METTL21A: variants seen among roughly 807,000 people sequenced by gnomAD.
METTL21A encodes the protein methyltransferase 21A, HSPA lysine, also known as protein N-lysine methyltransferase METTL21A.
In METTL21A, 22 loss-of-function variants were observed where a neutral mutation model predicts 20.9. That is an observed-to-expected ratio of 1.05 (90% confidence interval 0.75 to 1.50). The LOEUF is 1.50. Among genes scored for constraint, METTL21A ranks in the 40% most tolerant of loss-of-function variants. METTL21A has a pLI of 0.00. For synonymous variants in METTL21A, 93 were observed against 102.0 expected, an observed-to-expected ratio of 0.91 and a Z score of 0.53; for missense variants, 271 against 266.8, an observed-to-expected ratio of 1.02 and a Z score of -0.11.
exon 4 of METTL21A, chr2:207,582,075 T>C (rs1467146869): frequency 2.9e-6 from 2 of 701,578 alleles, no homozygotes; most frequent in Non-Finnish European, 5.2e-6. Context: ...TTGGTTAAAG[T>C]GCTGTCCAGG....
At chr2:207,582,281 T>C in intron 3 of METTL21A, 1 of 639,120 alleles carries the variant, frequency 1.6e-6, no homozygotes, top group Non-Finnish European at 2.8e-6. Context: ...TTTAAAGTTT[T>C]GCCCACCAGT....
chr2:207,623,430 A>C (rs1039667900), intron 2 of METTL21A, among the ~76,000 whole-genome samples: 2 of 152,348 alleles, frequency 1.3e-5, no homozygotes, highest in Non-Finnish European at 2.9e-5. Context: ...TCAAGTCAGA[A>C]CAGGGCAGGG....
At chr2:207,613,029 T>C (rs1024583310) in exon 4 of METTL21A, 3 of 1,533,144 alleles carry the variant, frequency 2.0e-6, no homozygotes, top group Admixed American at 2.2e-5. Context: ...GACAACATTC[T>C]TATAAATTAT....
intron 3 of METTL21A, chr2:207,596,910 G>A: frequency 2.5e-6 from 4 of 1,603,402 alleles, no homozygotes; most frequent in Non-Finnish European, 1.7e-6. Flanking sequence ...TCTTTTGCTT[G>A]TAGGGAAGCA....
At chr2:207,617,911 G>A (rs867918901) in intron 3 of METTL21A, among the ~76,000 whole-genome samples, 4 of 152,058 alleles carry the variant, frequency 2.6e-5, no homozygotes, top group African/African-American at 7.2e-5. Flanking sequence ...GGGTGGGGGC[G>A]GTGACTACTT....
chr2:207,608,303 CT>C (rs2088441707), downstream of METTL21A, among the ~76,000 whole-genome samples: 1 of 152,118 alleles, frequency 6.6e-6, no homozygotes, highest in Non-Finnish European at 1.5e-5. Context: ...TTTTCACACC[CT>C]AATCTCAATC....
chr2:207,583,587 CA>C (rs2106633976), intron 3 of METTL21A, among the ~76,000 whole-genome samples: 1 of 152,288 alleles, frequency 6.6e-6, no homozygotes. Flanking sequence ...CCACCCCTTT[CA>C]ATGAGGTTAT....
At chr2:207,598,489 A>T (rs1408615870) in intron 3 of METTL21A, 1 of 6,504 alleles carries the variant, frequency 1.5e-4, no homozygotes, top group Non-Finnish European at 2.6e-4. Context: ...TTACTCTTAA[A>T]AAAAAAAAAA....
chr2:207,608,827 T>G (rs763397808), downstream of METTL21A, among the ~76,000 whole-genome samples: 2 of 152,194 alleles, frequency 1.3e-5, no homozygotes, highest in Non-Finnish European at 2.9e-5. Context: ...CTCGGGAGGC[T>G]GAGCCAGGAG....
At chr2:207,618,758 C>G (rs184711738) in intron 3 of METTL21A, among the ~76,000 whole-genome samples, 5 of 152,242 alleles carry the variant, frequency 3.3e-5, no homozygotes, top group Admixed American at 3.3e-4. Context: ...CTCTCTCTCT[C>G]TAAAAAATAT....
chr2:207,600,360 G>C (rs1460634774), intron 3 of METTL21A: 1 of 186,648 alleles, frequency 5.4e-6, no homozygotes, highest in Non-Finnish European at 1.1e-5. Context: ...ATTTTTGTGT[G>C]TTCTGTTGCA....
exon 1 of METTL21A, chr2:207,625,269 C>G (rs992561072): frequency 6.6e-6 from 1 of 152,126 alleles, no homozygotes; most frequent in Admixed American, 6.5e-5. Context: ...ACTTACGGCC[C>G]GGGAGGCGGT....
intron 3 of METTL21A, among the ~76,000 whole-genome samples, chr2:207,589,228 A>C (rs2084500157): frequency 6.6e-6 from 1 of 152,206 alleles, no homozygotes; most frequent in Non-Finnish European, 1.5e-5. Context: ...GCAGGACTGC[A>C]TTCCTTCCTG....
At chr2:207,599,667 T>C (rs1575058834) in intron 3 of METTL21A, 1 of 199,512 alleles carries the variant, frequency 5.0e-6, no homozygotes, top group East Asian at 7.8e-5. Context: ...TTTATAAAGA[T>C]AAAATCAAGC....
At chr2:207,580,970 A>G (rs940340679), downstream of METTL21A, 1 of 217,558 alleles carries the variant, frequency 4.6e-6, no homozygotes, top group Admixed American at 5.8e-5. Flanking sequence ...GGACAAGCCC[A>G]AAGTCAGTGG....
chr2:207,613,438 G>T, exon 4 of METTL21A: 1 of 1,584,734 alleles, frequency 6.3e-7, no homozygotes, highest in South Asian at 1.2e-5. Flanking sequence ...ATAGTCACAT[G>T]AGCACCTACA....
chr2:207,614,655 A>C (rs897362277), intron 3 of METTL21A, among the ~76,000 whole-genome samples: 3 of 152,200 alleles, frequency 2.0e-5, no homozygotes, highest in Non-Finnish European at 4.4e-5. Flanking sequence ...GTTTCTACAC[A>C]CAGTGTAGAA....
At position 207,601,221 on chromosome 2, in the gene METTL21A, A is replaced by G. The variant is rs187594841; in HGVS notation, c.260-19061T>C. Reference sequence around the variant, plus strand: ...TTGTATATTTATTTGGATTATATTTACATTCTGTCCTTTGTAAATGTTTGG... The same window carrying G: ...TTGTATATTTATTTGGATTATATTTGCATTCTGTCCTTTGTAAATGTTTGG... On this transcript the variant is annotated intron_variant, in intron 3 of 3. Transcript: ENST00000425132. 9 of 185,672 alleles carry G rather than the reference A, an allele frequency of 4.8e-5. No individual in the cohort carries two copies. In the East Asian group the frequency reaches 6.1e-4, roughly 13 times the overall value. The allele number at this position is 185,672 out of a possible 1,614,324, so 11.5% of individuals were successfully genotyped here.
chr2:207,594,523 T>C (rs1454841759), intron 3 of METTL21A, among the ~76,000 whole-genome samples: 2 of 152,192 alleles, frequency 1.3e-5, no homozygotes, highest in African/African-American at 4.8e-5. Flanking sequence ...CCCTCAAGGT[T>C]CATCTACGTT....
Sources: allele counts gnomAD v4.1 joint callset (sites outside exome capture counted in the v4.1 genomes callset), GRCh38; gene constraint gnomAD v4.1.1; transcripts MANE v1.5; gene names NCBI Gene and HGNC (gene_info 2026-07-23, HGNC 2026-07-21).